Variants in ZBTB16 observed in about 807,000 individuals in gnomAD.
ZBTB16 encodes zinc finger and BTB domain-containing protein 16.
ZBTB16 carries 8 observed loss-of-function variants against 56.8 expected under a neutral mutation model. That is an observed-to-expected ratio of 0.14 (90% CI 0.08 to 0.25). ZBTB16 has a LOEUF of 0.25. Among genes scored for constraint, ZBTB16 ranks in the 10% least tolerant of loss-of-function variants. The pLI, the probability that ZBTB16 is intolerant of heterozygous loss-of-function variation, is 1.00. For missense variants in ZBTB16, 625 were observed against 903.0 expected, an observed-to-expected ratio of 0.69 and a Z score of 3.95; for synonymous variants, 363 against 368.5, an observed-to-expected ratio of 0.98 and a Z score of 0.17.
At chr11:114,200,960 G>A (rs1326298328) in intron 4 of ZBTB16, among the ~76,000 whole-genome samples, 2 of 152,124 alleles carry the variant, frequency 1.3e-5, no homozygotes, top group Non-Finnish European at 2.9e-5. Context: ...TTAATAGTTG[G>A]ACAAACACAA....
At chr11:114,180,028 G>T (rs901561573) in intron 3 of ZBTB16, among the ~76,000 whole-genome samples, 7 of 152,164 alleles carry the variant, frequency 4.6e-5, no homozygotes, top group Non-Finnish European at 1.0e-4. Flanking sequence ...GTGAGTTGGG[G>T]TGATCCTTGG....
chr11:114,242,195 G>A lies in ZBTB16; in HGVS notation c.1482G>A (p.Leu494=). 2 of 1,613,808 alleles carry A rather than the reference G, an allele frequency of 1.2e-6. No homozygotes were observed. Among genetic ancestry groups the A allele is most frequent in the South Asian group, 2.2e-5 (2 of 91,086 alleles). Residue 494 remains leucine, a synonymous_variant, in exon 5 of 7, where the codon CTG becomes CTA. Transcript: ENST00000335953. ...CTGACATGGCCGTCTTCTGTCTGCTGTGTGGGAAGCGCTTCCAGGCGCAGA... is the reference window on the plus strand; with the variant it reads ...CTGACATGGCCGTCTTCTGTCTGCTATGTGGGAAGCGCTTCCAGGCGCAGA... ...TGTDMAVFCL[L]CGKRFQAQSA...
chr11:114,123,926 G>A (rs114416633), intron 2 of ZBTB16, among the ~76,000 whole-genome samples: 4,330 of 152,202 alleles, frequency 0.028, 207 homozygotes, highest in African/African-American at 0.098. Context: ...AGTGGGATAC[G>A]TGCCGCAACA....
At chr11:114,164,805 C>G (rs1565661453) in intron 3 of ZBTB16, among the ~76,000 whole-genome samples, 1 of 152,124 alleles carries the variant, frequency 6.6e-6, no homozygotes, top group Non-Finnish European at 1.5e-5. Context: ...CCCTTACTTT[C>G]AGTGCTCTTG....
chr11:114,148,395 C>T (rs1342689425), intron 2 of ZBTB16, among the ~76,000 whole-genome samples: 1 of 25,418 alleles, frequency 3.9e-5, no homozygotes, highest in Admixed American at 4.3e-4. Flanking sequence ...CTTCCTCCTT[C>T]CCTCCCTCCC....
intron 4 of ZBTB16, chr11:114,189,310 A>G (rs1192647304): frequency 6.6e-6 from 1 of 152,246 alleles, no homozygotes; most frequent in Non-Finnish European, 1.5e-5. Flanking sequence ...CAAATAGCCA[A>G]TGAGCACATG....
intron 4 of ZBTB16, among the ~76,000 whole-genome samples, chr11:114,205,501 C>T (rs1307693793): frequency 6.6e-6 from 1 of 152,096 alleles, no homozygotes; most frequent in Admixed American, 6.6e-5. Context: ...ATGTTCCCTG[C>T]CCCCAGTAGG....
intron 2 of ZBTB16, among the ~76,000 whole-genome samples, chr11:114,080,621 C>T (rs1939725690): frequency 6.6e-6 from 1 of 152,150 alleles, no homozygotes; most frequent in African/African-American, 2.4e-5. Flanking sequence ...TGAATGCTCC[C>T]AAACTGGATC....
intron 2 of ZBTB16, among the ~76,000 whole-genome samples, chr11:114,090,721 G>A (rs1940154338): frequency 6.6e-6 from 1 of 152,148 alleles, no homozygotes. Context: ...TTGTAGAGAG[G>A]CCTGAAACCC....
intron 4 of ZBTB16, among the ~76,000 whole-genome samples, chr11:114,199,642 G>A (rs999194072): frequency 3.9e-5 from 6 of 152,196 alleles, no homozygotes; most frequent in Admixed American, 2.0e-4. Flanking sequence ...AAATGGCTTC[G>A]TTTCCTTGCT....
At chr11:114,114,906 C>T (rs1407301886) in intron 2 of ZBTB16, among the ~76,000 whole-genome samples, 1 of 152,092 alleles carries the variant, frequency 6.6e-6, no homozygotes, top group Non-Finnish European at 1.5e-5. Context: ...TGGTCTCGAA[C>T]TCCTGAGTTC....
rs1318096132 is a variant in ZBTB16 at position 114,191,476 on chromosome 11, C to T, written c.1453+4438C>T. On this transcript the variant is annotated intron_variant, in intron 4 of 6. Transcript: ENST00000335953. Reference sequence around the variant, plus strand: ...CATATAGCCTAGGTGTGTAGAAGGCCGTACCATCTAGGCTTATGTAAGTGT... The same window carrying T: ...CATATAGCCTAGGTGTGTAGAAGGCTGTACCATCTAGGCTTATGTAAGTGT... Among the ~76,000 whole-genome samples the T allele has an allele frequency of 9.2e-5, 14 of 152,246 alleles. No individual in the cohort carries two copies. The East Asian group carries it at 2.5e-3, about 27-fold the overall frequency.
At chr11:114,202,033 G>C (rs886974895) in intron 4 of ZBTB16, among the ~76,000 whole-genome samples, 1 of 152,236 alleles carries the variant, frequency 6.6e-6, no homozygotes, top group Non-Finnish European at 1.5e-5. Context: ...CACACTGGCA[G>C]GTGCCTCAGT....
chr11:114,158,835 G>T (rs1017160981), intron 3 of ZBTB16, among the ~76,000 whole-genome samples: 1 of 152,226 alleles, frequency 6.6e-6, no homozygotes, highest in Admixed American at 6.5e-5. Context: ...GCACATTATT[G>T]GTGCCAAGAA....
At chr11:114,218,020 G>A (rs1944145622) in intron 4 of ZBTB16, among the ~76,000 whole-genome samples, 2 of 152,202 alleles carry the variant, frequency 1.3e-5, no homozygotes, top group African/African-American at 4.8e-5. Context: ...TTGTGAACAG[G>A]GCCCTGGCCC....
intron 2 of ZBTB16, among the ~76,000 whole-genome samples, chr11:114,106,533 C>T (rs899140010): frequency 2.0e-5 from 3 of 150,730 alleles, no homozygotes; most frequent in East Asian, 1.9e-4. Flanking sequence ...TGCAGTGGCA[C>T]GATCTCAGCT....
intron 2 of ZBTB16, among the ~76,000 whole-genome samples, chr11:114,148,600 T>C (rs1942202399): frequency 1.3e-5 from 2 of 151,380 alleles, no homozygotes; most frequent in Non-Finnish European, 2.9e-5. Context: ...TTCAAGCGAT[T>C]CTCCTGCCTC....
chr11:114,142,536 T>A (rs1012419009), intron 2 of ZBTB16, among the ~76,000 whole-genome samples: 3 of 152,222 alleles, frequency 2.0e-5, no homozygotes, highest in African/African-American at 7.2e-5. Flanking sequence ...TGACATAAAT[T>A]TGGAATTTAT....
chr11:114,090,722 C>G (rs998536270), intron 2 of ZBTB16, among the ~76,000 whole-genome samples: 1 of 152,132 alleles, frequency 6.6e-6, no homozygotes, highest in Non-Finnish European at 1.5e-5. Context: ...TGTAGAGAGG[C>G]CTGAAACCCA....
Sources: gnomAD v4.1 joint callset for allele counts (sites outside exome capture counted in the v4.1 genomes callset) on GRCh38, gnomAD v4.1.1 for gene constraint, MANE v1.5 for transcripts, NCBI Gene and HGNC (gene_info 2026-07-23, HGNC 2026-07-21) for gene names.